Variants in NT5DC4 observed in about 807,000 individuals in gnomAD.
NT5DC4 encodes 5'-nucleotidase domain-containing protein 4.
In NT5DC4, 44 loss-of-function variants were observed where a neutral mutation model predicts 26.6. The ratio of observed to expected loss-of-function variants is 1.65; its 90% CI spans 1.30 to 2.13. NT5DC4 has a LOEUF of 2.13. Ranked by LOEUF, NT5DC4 falls within the 30% of genes most tolerant of loss-of-function variation. The pLI, the probability that NT5DC4 is intolerant of heterozygous loss-of-function variation, is 0.00. For missense variants in NT5DC4, 399 were observed against 228.1 expected (o/e 1.75, Z -4.83); for synonymous variants, 157 against 86.7 (o/e 1.81, Z -4.51).
chr2:112,740,967 T>C (rs1193787725), downstream of NT5DC4: 2 of 1,613,744 alleles, frequency 1.2e-6, no homozygotes, highest in Non-Finnish European at 1.7e-6. Context: ...CTTCCACTGA[T>C]GTTATACTAG....
chr2:112,719,481 C>CTTTTTTTTTTT (rs57789268), upstream of NT5DC4, among the ~76,000 whole-genome samples: 6 of 101,290 alleles, frequency 5.9e-5, no homozygotes, highest in African/African-American at 1.8e-4. Context: ...ACTTGTCTGT[C>CTTTTTTTTTTT]TTTTTTTTTT....
Position 112,723,186 on chromosome 2 carries a change from G to T in NT5DC4, c.621+12G>T. Reference sequence around the variant, plus strand: ...ACATCCACCAGTCGGTGAGTGAGTGGTCCAGAACCCCCGGACCCCTGACCT... The same window carrying T: ...ACATCCACCAGTCGGTGAGTGAGTGTTCCAGAACCCCCGGACCCCTGACCT... On this transcript the variant is annotated intron_variant, in intron 7 of 16. Transcript: ENST00000688554. 1.4e-6 allele frequency: 1 copy of T among 717,236 alleles called. No individual in the cohort carries two copies. The highest frequency in any genetic ancestry group is 2.7e-5 in the East Asian group (1 of 37,274). 44.4% of individuals were successfully genotyped at this position (717,236 alleles called of 1,614,324 possible). A position where few individuals can be genotyped will look rare whatever the true frequency, so the allele number is the denominator to read the frequency against.
At chr2:112,725,895 TTCCACCC>T (rs1677646464) in intron 13 of NT5DC4, among the ~76,000 whole-genome samples, 5 of 97,190 alleles carry the variant, frequency 5.1e-5, no homozygotes, top group African/African-American at 2.6e-4. Context: ...GGTACACACC[TTCCACCC>T]AGGTATGACT....
At chr2:112,724,625 G>A (rs1239503660) in intron 10 of NT5DC4, 156 bp from the exon 11 acceptor site, 1 of 614,942 alleles carries the variant, frequency 1.6e-6, no homozygotes, top group Non-Finnish European at 2.9e-6. Context: ...CAGCTTGGCT[G>A]GGGAAGCTGG....
downstream of NT5DC4, among the ~76,000 whole-genome samples, chr2:112,740,664 C>T (rs955272396): frequency 1.3e-4 from 20 of 152,196 alleles, no homozygotes; most frequent in African/African-American, 4.6e-4. Flanking sequence ...GACCATAGGA[C>T]GGGGGTGAAT....
intron 12 of NT5DC4, 23 bp downstream of exon 12, chr2:112,725,263 A>G (rs2104740488): frequency 1.4e-6 from 1 of 702,576 alleles, no homozygotes; most frequent in Admixed American, 2.0e-5. Flanking sequence ...ACCATGCCCC[A>G]TCACTCCTTG....
intron 16 of NT5DC4, chr2:112,737,976 T>C (rs1326806210): frequency 6.6e-6 from 1 of 152,196 alleles, no homozygotes; most frequent in East Asian, 1.9e-4. Context: ...ATTTACATAA[T>C]GACTAAGGTA....
chr2:112,719,898 C>CTT (rs1162825935), upstream of NT5DC4, among the ~76,000 whole-genome samples: 734 of 87,480 alleles, frequency 8.4e-3, 17 homozygotes, highest in African/African-American at 0.026. Context: ...TCCTTTCTTT[C>CTT]TTTCTTTTTC....
chr2:112,725,086 C>A, intron 11 of NT5DC4, 88 bp from the exon 12 acceptor site: 1 of 661,996 alleles, frequency 1.5e-6, no homozygotes, highest in South Asian at 1.7e-5. Context: ...ATGGTTACCT[C>A]TGCCACTCCC....
intron 15 of NT5DC4, among the ~76,000 whole-genome samples, chr2:112,728,064 G>T (rs1047304295): frequency 1.3e-5 from 2 of 152,234 alleles, no homozygotes; most frequent in Non-Finnish European, 2.9e-5. Flanking sequence ...GAGCTTGCAA[G>T]GTCACCAGCC....
intron 15 of NT5DC4, among the ~76,000 whole-genome samples, chr2:112,728,817 T>A (rs1417685507): frequency 6.6e-6 from 1 of 152,206 alleles, no homozygotes; most frequent in Non-Finnish European, 1.5e-5. Flanking sequence ...ATCACACAGC[T>A]AGTGGACCAC....
chr2:112,723,256 A>C (rs1309718490), intron 7 of NT5DC4, 82 bp downstream of exon 7: 2 of 714,852 alleles, frequency 2.8e-6, no homozygotes, highest in Admixed American at 4.0e-5. Flanking sequence ...TCCAGTCCCC[A>C]TAGCGTTTCC....
chr2:112,725,068 C>T, intron 11 of NT5DC4, 106 bp from the exon 12 acceptor site: 2 of 653,624 alleles, frequency 3.1e-6, no homozygotes, highest in East Asian at 2.7e-5. Context: ...CTTCCTCCCA[C>T]ACCCCCCATG....
intron 13 of NT5DC4, among the ~76,000 whole-genome samples, 169 bp from the exon 14 acceptor site, chr2:112,726,069 C>A (rs534797170): frequency 2.5e-4 from 38 of 152,272 alleles, no homozygotes; most frequent in Non-Finnish European, 5.6e-4. Context: ...CCTATGCTGT[C>A]CCTGCCTCAG....
At chr2:112,738,846 C>T (rs1679602094) in intron 16 of NT5DC4, 67 bp from the exon 17 acceptor site, 1 of 1,611,668 alleles carries the variant, frequency 6.2e-7, no homozygotes, top group African/African-American at 1.3e-5. Context: ...GTTTGAAACC[C>T]CAATGTTACA....
downstream of NT5DC4, among the ~76,000 whole-genome samples, chr2:112,740,488 G>C (rs1431107469): frequency 6.6e-6 from 1 of 152,162 alleles, no homozygotes; most frequent in African/African-American, 2.4e-5. Context: ...TCCGTTCTTA[G>C]AGGGGTATTC....
rs187526589 is a variant in NT5DC4, at chr2:112,726,632, G to A, written c.1206-46G>A. On this transcript the variant is annotated intron_variant, in intron 14 of 16. Transcript: ENST00000688554. ...GTCTAAGGAGACTGTCCTGGCACTCGGAGGCTCTGTGCCTCCCCTGGGTCA... is the reference window on the plus strand; with the variant it reads ...GTCTAAGGAGACTGTCCTGGCACTCAGAGGCTCTGTGCCTCCCCTGGGTCA... 4.9e-4 allele frequency: 349 copies of A among 717,418 alleles called. 3 individuals carry two copies. In the East Asian group the frequency reaches 8.5e-3, roughly 17 times the overall value. 44.4% of individuals were successfully genotyped at this position (717,418 alleles called of 1,614,324 possible).
At chr2:112,724,434 C>T in intron 10 of NT5DC4, 2 of 576,240 alleles carry the variant, frequency 3.5e-6, no homozygotes, top group Non-Finnish European at 6.2e-6. Context: ...AGTGACAGGT[C>T]CTGGGCACTG....
chr2:112,740,680 C>T (rs1574316690), downstream of NT5DC4: 9 of 681,296 alleles, frequency 1.3e-5, no homozygotes, highest in East Asian at 2.0e-4. Flanking sequence ...TGAATGCATT[C>T]TAATACCCCT....
Sources: allele counts gnomAD v4.1 joint callset (sites outside exome capture counted in the v4.1 genomes callset), GRCh38; gene constraint gnomAD v4.1.1; transcripts MANE v1.5; gene names NCBI Gene and HGNC (gene_info 2026-07-23, HGNC 2026-07-21).